MYLK: variants seen among roughly 807,000 people sequenced by gnomAD.
MYLK encodes the protein myosin light chain kinase, also known as myosin light chain kinase, smooth muscle.
Under a neutral mutation model 203.4 loss-of-function variants are expected in MYLK, and 106 were observed. That is an observed-to-expected ratio of 0.52 (90% CI 0.45 to 0.61). The LOEUF is 0.61. MYLK is among the 20% of genes least tolerant of loss of function. The pLI is 0.00. For synonymous variants in MYLK, 867 were observed against 959.5 expected (o/e 0.90, Z 1.78); for missense variants, 2,072 against 2,442.3 (o/e 0.85, Z 3.20).
intron 5 of MYLK, among the ~76,000 whole-genome samples, chr3:123,742,913 G>C (rs571480139): frequency 2.1e-3 from 320 of 152,298 alleles, no homozygotes; most frequent in African/African-American, 7.4e-3. Flanking sequence ...AAATGTCCAG[G>C]AGAGGCAAAT....
At chr3:123,870,056 A>G (rs567463015) in intron 2 of MYLK, among the ~76,000 whole-genome samples, 157 of 152,014 alleles carry the variant, frequency 1.0e-3, no homozygotes, top group African/African-American at 2.8e-3. Flanking sequence ...ACACAGGCAC[A>G]CTCTTCTATA....
chr3:123,845,316 G>T (rs758174901), intron 2 of MYLK, among the ~76,000 whole-genome samples: 6 of 152,074 alleles, frequency 3.9e-5, no homozygotes, highest in Non-Finnish European at 8.8e-5. Flanking sequence ...TACCCTCTAG[G>T]AGTGTCCTAA....
At chr3:123,632,955 C>G (rs1284128067) in intron 29 of MYLK, among the ~76,000 whole-genome samples, 1 of 151,990 alleles carries the variant, frequency 6.6e-6, no homozygotes. Context: ...GCCAACACAC[C>G]TGGCTAATTT....
intron 1 of MYLK, among the ~76,000 whole-genome samples, chr3:123,878,052 A>G (rs1577170523): frequency 6.6e-6 from 1 of 152,140 alleles, no homozygotes; most frequent in East Asian, 1.9e-4. Context: ...ACCTCCATTT[A>G]CCCCATTAGC....
intron 29 of MYLK, among the ~76,000 whole-genome samples, chr3:123,633,734 T>C (rs369023123): frequency 5.1e-4 from 78 of 152,294 alleles, no homozygotes; most frequent in African/African-American, 1.8e-3. Context: ...GCCAAAGAAA[T>C]TCCCCCAGGG....
chr3:123,625,470 GGA>G (rs2058094218), intron 31 of MYLK, among the ~76,000 whole-genome samples: 1 of 126,620 alleles, frequency 7.9e-6, no homozygotes, highest in African/African-American at 3.3e-5. Context: ...TTTGTCTCGA[GGA>G]AAAAAAAAAA....
At chr3:123,828,438 C>T (rs2066210081) in intron 3 of MYLK, among the ~76,000 whole-genome samples, 1 of 151,992 alleles carries the variant, frequency 6.6e-6, no homozygotes, top group African/African-American at 2.4e-5. Flanking sequence ...ACCGCTCATC[C>T]TATACAAAAA....
At chr3:123,624,848 C>T (rs528412650) in intron 31 of MYLK, 6 of 152,322 alleles carry the variant, frequency 3.9e-5, no homozygotes, top group Admixed American at 3.9e-4. Flanking sequence ...ATGGTGGTCA[C>T]TTAAACTCCA....
intron 3 of MYLK, among the ~76,000 whole-genome samples, chr3:123,827,205 TA>T (rs1427429757): frequency 2.0e-5 from 3 of 152,132 alleles, no homozygotes; most frequent in African/African-American, 7.2e-5. Flanking sequence ...GGATATCATT[TA>T]AAAAGAACTA....
At chr3:123,866,660 T>C (rs1459934050) in intron 2 of MYLK, among the ~76,000 whole-genome samples, 2 of 152,114 alleles carry the variant, frequency 1.3e-5, no homozygotes, top group Admixed American at 6.5e-5. Context: ...TAAAGTCTTG[T>C]TGGAAAGACC....
In MYLK at chr3:123,629,113, T is replaced by C. The variant is rs1393771509; in HGVS notation, c.5114+361A>G. Among the ~76,000 whole-genome samples, 2 of 152,116 alleles carry C rather than the reference T, an allele frequency of 1.3e-5. No homozygotes were observed. Among genetic ancestry groups the C allele is most frequent in the South Asian group, 2.1e-4 (1 of 4,822 alleles). On this transcript the variant is annotated intron_variant, in intron 30 of 33. Coordinates refer to ENST00000360304, the MANE Select transcript of MYLK (RefSeq NM_053025.4). The surrounding 1 kb of genome is among the most constrained non-coding windows in gnomAD (Gnocchi z 4.4). ...GAGAGGGTCCTTCCCCTGCAGCCCC[T>C]GAAGAGGGCTGTGGCTGGCCACAAC...
intron 20 of MYLK, among the ~76,000 whole-genome samples, chr3:123,680,309 A>G (rs2060219125): frequency 6.6e-6 from 1 of 152,054 alleles, no homozygotes. Context: ...GCTGGAGCTG[A>G]GGGCTGGAGG....
At chr3:123,767,138 T>C (rs1251829711) in intron 4 of MYLK, among the ~76,000 whole-genome samples, 2 of 152,218 alleles carry the variant, frequency 1.3e-5, no homozygotes, top group African/African-American at 4.8e-5. Context: ...TTCAAGTCTG[T>C]GATCCTCGGG....
rs965984774 is a variant in MYLK at position 123,610,246 on chromosome 3, T to C, written c.*3859A>G. On this transcript the variant is annotated 3_prime_UTR_variant, in exon 34 of 34. Coordinates refer to ENST00000360304, the MANE Select transcript of MYLK (RefSeq NM_053025.4). ...TTTATTTTTTAAAGTAACTTAAATT[T>C]AAATAGCCACTTGTGAGTAGTGGCT... 7.2e-5 allele frequency: 11 copies of C among 152,190 alleles called. No homozygotes were observed. Among genetic ancestry groups the C allele is most frequent in the Non-Finnish European group, 1.6e-4 (11 of 68,014 alleles). The allele number at this position is 152,190 out of a possible 1,614,324, so 9.4% of individuals were successfully genotyped here.
intron 27 of MYLK, among the ~76,000 whole-genome samples, chr3:123,641,500 T>C (rs1257759496): frequency 1.3e-5 from 2 of 151,634 alleles, no homozygotes; most frequent in African/African-American, 4.8e-5. Flanking sequence ...ATCACACAAC[T>C]GCACTCAAGC....
intron 1 of MYLK, among the ~76,000 whole-genome samples, chr3:123,879,737 C>T (rs903947421): frequency 2.0e-5 from 3 of 152,192 alleles, no homozygotes; most frequent in Non-Finnish European, 2.9e-5. Context: ...TGGGTTCATG[C>T]CATTCTCCTG....
rs139334040 is a variant in MYLK, at chr3:123,754,699, T to C, written c.166-2161A>G. ...TTAGGATTGTGAGTCTCCTCCTTTC[T>C]TTTTAGTTAACTATTAGTTTCTGAG... On this transcript the variant is annotated intron_variant, in intron 4 of 33. Transcript: ENST00000360304. 2.6e-5 allele frequency among the ~76,000 whole-genome samples: 4 copies of C among 152,342 alleles called. No individual in the cohort carries two copies. In the East Asian group the frequency reaches 7.7e-4, roughly 29 times the overall value.
chr3:123,696,478 T>C (rs1044093804), intron 18 of MYLK, among the ~76,000 whole-genome samples: 4 of 151,882 alleles, frequency 2.6e-5, no homozygotes, highest in African/African-American at 9.7e-5. Context: ...AGCCATTCCC[T>C]CACCTTCCCC....
At chr3:123,850,260 G>A (rs2030604840) in intron 2 of MYLK, among the ~76,000 whole-genome samples, 1 of 152,192 alleles carries the variant, frequency 6.6e-6, no homozygotes, top group Non-Finnish European at 1.5e-5. Flanking sequence ...TATATACCGA[G>A]TAATGGGATG....
Sources: gnomAD v4.1 joint callset for allele counts (sites outside exome capture counted in the v4.1 genomes callset) on GRCh38, gnomAD v4.1.1 for gene constraint, Gnocchi (gnomAD v3.1) non-coding constraint, MANE v1.5 for transcripts, NCBI Gene and HGNC (gene_info 2026-07-23, HGNC 2026-07-21) for gene names.